MTHFS: variants seen among roughly 807,000 people sequenced by gnomAD.
MTHFS encodes 5-formyltetrahydrofolate cyclo-ligase.
Under a neutral mutation model 12.7 loss-of-function variants are expected in MTHFS, and 7 were observed. The observed-to-expected ratio is 0.55, with a 90% CI of 0.31 to 1.03. MTHFS has a LOEUF of 1.03. Among genes scored for constraint, MTHFS ranks in the 50% least tolerant of loss-of-function variants. MTHFS has a pLI of 0.05. For missense variants in MTHFS, 252 were observed against 258.1 expected, an observed-to-expected ratio of 0.98 and a Z score of 0.16; for synonymous variants, 100 against 97.1, an observed-to-expected ratio of 1.03 and a Z score of -0.18.
At chr15:79,895,882 T>G (rs2034559047) in intron 1 of MTHFS, among the ~76,000 whole-genome samples, 1 of 152,240 alleles carries the variant, frequency 6.6e-6, no homozygotes, top group African/African-American at 2.4e-5. Flanking sequence ...AGCATGATGC[T>G]GGGAAGACAG....
intron 1 of MTHFS, 124 bp downstream of exon 1, chr15:79,896,742 TGCGCGC>T (rs2034580858): frequency 2.8e-6 from 3 of 1,056,214 alleles, no homozygotes; most frequent in Non-Finnish European, 3.7e-6. Context: ...AGGGGAAACG[TGCGCGC>T]GCCGGGGGGT....
In MTHFS at chr15:79,891,724, T is replaced by C. The variant is rs1270420747; in HGVS notation, c.118-2370A>G. ...GGCTCACACCTGTAAACCCAGCACTTAGGGAGGTGGAGGCGGGTAGATCAT... is the reference window on the plus strand; with the variant it reads ...GGCTCACACCTGTAAACCCAGCACTCAGGGAGGTGGAGGCGGGTAGATCAT... On this transcript the variant is annotated intron_variant, in intron 1 of 2. Transcript: ENST00000258874. Among the ~76,000 whole-genome samples the C allele has an allele frequency of 2.6e-5, 4 of 151,984 alleles. No individual in the cohort carries two copies. The East Asian group carries it at 7.7e-4, about 29-fold the overall frequency.
intron 2 of MTHFS, among the ~76,000 whole-genome samples, chr15:79,868,235 AC>A (rs1031026604): frequency 1.4e-4 from 22 of 152,138 alleles, no homozygotes; most frequent in African/African-American, 5.1e-4. Context: ...ATTTTATATC[AC>A]CTTTTTCTTT....
At position 79,845,400 on chromosome 15, in the gene MTHFS, T is replaced by C; in HGVS notation, c.422A>G (p.Lys141Arg). ...LIFMPGLGFDKHGNRLGRGKG... is the reference protein window; with the variant it reads ...LIFMPGLGFDRHGNRLGRGKG... The stretch of plus-strand genomic sequence containing the variant: ...GCCCCTCCCCAGTCGGTTGCCATGT[T>C]TGTCAAACCCAAGGCCTGGCATGAA... The change falls in exon 3 of 3, where the codon AAA (lysine) becomes AGA (arginine). Residue 141 changes from lysine (K) to arginine (R), a missense_variant. Transcript: ENST00000258874. 1 of 1,614,188 alleles carries C rather than the reference T, an allele frequency of 6.2e-7. No individual in the cohort carries two copies. The highest frequency in any genetic ancestry group is 8.5e-7 in the Non-Finnish European group (1 of 1,180,020).
At chr15:79,896,774 C>T in intron 1 of MTHFS, 98 bp downstream of exon 1, 1 of 1,489,644 alleles carries the variant, frequency 6.7e-7, no homozygotes, top group Non-Finnish European at 8.9e-7. Flanking sequence ...GGCGCCTAGC[C>T]CAGCGCCAGC....
At position 79,844,935 on chromosome 15, in the gene MTHFS, G is replaced by T; in HGVS notation, c.*275C>A. 1 of 451,024 alleles carries T rather than the reference G, an allele frequency of 2.2e-6. No individual in the cohort carries two copies. The highest frequency in any genetic ancestry group is 3.9e-6 in the Non-Finnish European group (1 of 254,746). The allele number at this position is 451,024 out of a possible 1,614,324, so 27.9% of individuals were successfully genotyped here. On this transcript the variant is annotated 3_prime_UTR_variant, in exon 3 of 3. Transcript: ENST00000258874. The stretch of plus-strand genomic sequence containing the variant: ...TCCTCATAAATATTTAACTTAAATT[G>T]CAAAGTAGACAGATCAACTTGTCAC...
At chr15:79,864,782 C>T (rs1362132893) in intron 2 of MTHFS, among the ~76,000 whole-genome samples, 1 of 151,918 alleles carries the variant, frequency 6.6e-6, no homozygotes, top group Non-Finnish European at 1.5e-5. Context: ...ACAAATACAA[C>T]ACTTTAGAAA....
At chr15:79,881,232 G>A (rs1222013686) in intron 2 of MTHFS, among the ~76,000 whole-genome samples, 2 of 152,126 alleles carry the variant, frequency 1.3e-5, no homozygotes, top group Non-Finnish European at 2.9e-5. Flanking sequence ...AAGTCACCTG[G>A]GTTAGTCCTT....
At chr15:79,868,196 G>A (rs146986862) in intron 2 of MTHFS, among the ~76,000 whole-genome samples, 18 of 152,198 alleles carry the variant, frequency 1.2e-4, no homozygotes, top group African/African-American at 4.3e-4. Flanking sequence ...AGCAGATTAG[G>A]GAGAAGCACA....
intron 2 of MTHFS, among the ~76,000 whole-genome samples, chr15:79,887,157 G>A (rs1438851176): frequency 1.3e-5 from 2 of 152,108 alleles, no homozygotes; most frequent in Non-Finnish European, 2.9e-5. Context: ...CCCAGGCGGT[G>A]GAAGTTGCAG....
At chr15:79,845,571 T>C (rs2033598470) in intron 2 of MTHFS, 129 bp from the exon 3 acceptor site, 1 of 1,288,312 alleles carries the variant, frequency 7.8e-7, no homozygotes, top group Non-Finnish European at 1.0e-6. Flanking sequence ...ACCATTAATA[T>C]CCAAAAAGCA....
chr15:79,860,185 G>C (rs2033885883), intron 2 of MTHFS, among the ~76,000 whole-genome samples: 1 of 151,982 alleles, frequency 6.6e-6, no homozygotes, highest in South Asian at 2.1e-4. Flanking sequence ...GTCAGGAGAT[G>C]GAGACCATCC....
intron 2 of MTHFS, among the ~76,000 whole-genome samples, chr15:79,888,193 T>C (rs2034412562): frequency 6.6e-6 from 1 of 152,162 alleles, no homozygotes; most frequent in Admixed American, 6.5e-5. Context: ...GAGAACAGCA[T>C]GTATTAAGAC....
Position 79,873,722 on chromosome 15 carries a change from T to C in MTHFS, c.379+15371A>G, listed in dbSNP as rs1005716614. ...CTCAAGAATGGCAGTTTTACCAATA[T>C]GGGGCTGGCTGGAAAAAACAGCAGC... On this transcript the variant is annotated intron_variant, in intron 2 of 2. Coordinates refer to ENST00000258874, the MANE Select transcript of MTHFS (RefSeq NM_006441.4). Among the ~76,000 whole-genome samples, 264 of 152,164 alleles carry C rather than the reference T, an allele frequency of 1.7e-3. 3 individuals carry two copies. Among genetic ancestry groups the C allele is most frequent in the Non-Finnish European group, 2.5e-4 (17 of 68,036 alleles).
intron 2 of MTHFS, among the ~76,000 whole-genome samples, chr15:79,849,591 G>A (rs953082912): frequency 6.6e-6 from 1 of 152,218 alleles, no homozygotes; most frequent in African/African-American, 2.4e-5. Context: ...AGGGGAGACA[G>A]AAGAAAAACC....
chr15:79,874,376 A>G (rs1000918270), intron 2 of MTHFS, among the ~76,000 whole-genome samples: 2 of 152,106 alleles, frequency 1.3e-5, no homozygotes, highest in Admixed American at 6.5e-5. Flanking sequence ...TTACAACTAA[A>G]ATAGCTGTGA....
chr15:79,892,300 GC>G (rs1265608368), intron 1 of MTHFS, among the ~76,000 whole-genome samples: 5 of 152,124 alleles, frequency 3.3e-5, no homozygotes, highest in Admixed American at 3.3e-4. Flanking sequence ...TGGGCCAGAG[GC>G]AACCAGACCA....
At chr15:79,897,019 TC>T (rs1186061929), upstream of MTHFS, 7 of 1,497,680 alleles carry the variant, frequency 4.7e-6, no homozygotes, top group Non-Finnish European at 6.2e-6. Flanking sequence ...AGTCCCGCCC[TC>T]GGCGCCCTGG....
chr15:79,850,364 G>C (rs1257483696), intron 2 of MTHFS, among the ~76,000 whole-genome samples: 2 of 152,280 alleles, frequency 1.3e-5, no homozygotes, highest in East Asian at 3.9e-4. Flanking sequence ...GGGAGAATGA[G>C]GTTATAGAAT....
Sources: gnomAD v4.1 joint callset for allele counts (sites outside exome capture counted in the v4.1 genomes callset) on GRCh38, gnomAD v4.1.1 for gene constraint, MANE v1.5 for transcripts, NCBI Gene and HGNC (gene_info 2026-07-23, HGNC 2026-07-21) for gene names.